Variants in ACVR1B observed in about 807,000 individuals in gnomAD.
The protein encoded by ACVR1B is activin receptor type-1B.
In ACVR1B, 15 loss-of-function variants were observed where a neutral mutation model predicts 55.6. The ratio of observed to expected loss-of-function variants is 0.27; its 90% CI spans 0.18 to 0.42. The LOEUF is 0.42. Among genes scored for constraint, ACVR1B ranks in the 10% least tolerant of loss-of-function variants. The pLI is 1.00. For missense variants in ACVR1B, 359 were observed against 670.1 expected (o/e 0.54, Z 5.13); for synonymous variants, 247 against 254.6 (o/e 0.97, Z 0.28).
chr12:51,966,806 A>C (rs2120520526), intron 1 of ACVR1B, among the ~76,000 whole-genome samples: 1 of 152,322 alleles, frequency 6.6e-6, no homozygotes, highest in East Asian at 1.9e-4. Context: ...ATTTTTGAAC[A>C]CTGACTGGAT....
intron 7 of ACVR1B, among the ~76,000 whole-genome samples, chr12:51,989,226 TTTTTG>T (rs1459519761): frequency 2.0e-5 from 3 of 152,278 alleles, no homozygotes; most frequent in East Asian, 3.9e-4. Flanking sequence ...CAGCAGGGTT[TTTTTG>T]TTTTGTTTTG....
intron 3 of ACVR1B, among the ~76,000 whole-genome samples, chr12:51,976,803 A>T (rs112378049): frequency 7.5e-4 from 115 of 152,342 alleles, no homozygotes; most frequent in African/African-American, 2.7e-3. Flanking sequence ...GTACACAATT[A>T]TCCACTACAG....
At position 51,994,116 on chromosome 12, in the gene ACVR1B, C is replaced by G. The variant is rs747117488; in HGVS notation, c.*6C>G. On this transcript the variant is annotated 3_prime_UTR_variant, in exon 9 of 9. Coordinates refer to ENST00000257963, the MANE Select transcript of ACVR1B (RefSeq NM_004302.5). This position sits in a 1 kb window ranked among gnomAD's most constrained non-coding sequence, Gnocchi z 4.2. Reference sequence around the variant, plus strand: ...AGGAAGACGTGAAGATCTAACTGCTCCCTCTCTCCACACGGAGCTCCTGGC... The same window carrying G: ...AGGAAGACGTGAAGATCTAACTGCTGCCTCTCTCCACACGGAGCTCCTGGC... 21 of 1,612,858 alleles carry G rather than the reference C, an allele frequency of 1.3e-5. No homozygotes were observed. The African/African-American group carries it at 2.5e-4, about 19-fold the overall frequency.
chr12:51,957,525 C>T (rs1340050629), intron 1 of ACVR1B, among the ~76,000 whole-genome samples: 5 of 151,884 alleles, frequency 3.3e-5, no homozygotes, highest in Non-Finnish European at 5.9e-5. Context: ...CCTTTGTCAG[C>T]CTCCCAAGTG....
At chr12:51,986,995 A>G (rs745360141) in intron 7 of ACVR1B, 53 bp downstream of exon 7, 9 of 1,613,626 alleles carry the variant, frequency 5.6e-6, no homozygotes, top group Admixed American at 3.3e-5. Context: ...ATGCTGGATC[A>G]CCCAAAGCTG....
chr12:51,960,815 G>A (rs1941506525), intron 1 of ACVR1B, among the ~76,000 whole-genome samples: 1 of 152,144 alleles, frequency 6.6e-6, no homozygotes, highest in Non-Finnish European at 1.5e-5. Context: ...TCTAACTTTG[G>A]AAATGCACCC....
chr12:51,984,270 G>A, intron 5 of ACVR1B, 104 bp downstream of exon 5: 1 of 1,325,268 alleles, frequency 7.5e-7, no homozygotes, highest in Non-Finnish European at 1.0e-6. Context: ...AGTTGGGGCT[G>A]GACCTCAGGA....
intron 1 of ACVR1B, among the ~76,000 whole-genome samples, chr12:51,970,181 C>T (rs1258928505): frequency 4.6e-5 from 7 of 152,196 alleles, no homozygotes; most frequent in African/African-American, 1.7e-4. Context: ...AATCTGATCA[C>T]ATGAAGGTGT....
chr12:51,963,886 T>C (rs1379454366), intron 1 of ACVR1B, among the ~76,000 whole-genome samples: 1 of 152,224 alleles, frequency 6.6e-6, no homozygotes, highest in Non-Finnish European at 1.5e-5. Context: ...ACAGCAGTTG[T>C]ACCCTTTTAT....
At chr12:51,983,602 G>A (rs959983343) in intron 4 of ACVR1B, among the ~76,000 whole-genome samples, 1 of 152,202 alleles carries the variant, frequency 6.6e-6, no homozygotes, top group African/African-American at 2.4e-5. Context: ...GCTCATTGTG[G>A]TTCTCCCGTG....
At chr12:51,966,574 G>A (rs1216433061) in intron 1 of ACVR1B, among the ~76,000 whole-genome samples, 2 of 152,130 alleles carry the variant, frequency 1.3e-5, no homozygotes, top group African/African-American at 4.8e-5. Context: ...TCAGCCTCCT[G>A]AAGAGCTGGG....
At position 51,977,906 on chromosome 12, in the gene ACVR1B, A is replaced by G. The variant is rs1392316461; in HGVS notation, c.580+1331A>G. Among the ~76,000 whole-genome samples the G allele has an allele frequency of 4.6e-5, 7 of 150,700 alleles. No homozygotes were observed. In the East Asian group the frequency reaches 1.4e-3, roughly 30 times the overall value. Reference sequence around the variant, plus strand: ...AACATCCACAAAGATCACTGTTGCCATTCTAGCTAAAACGCAGAGGATCTT... The same window carrying G: ...AACATCCACAAAGATCACTGTTGCCGTTCTAGCTAAAACGCAGAGGATCTT... On this transcript the variant is annotated intron_variant, in intron 3 of 8. Transcript: ENST00000257963.
intron 1 of ACVR1B, among the ~76,000 whole-genome samples, chr12:51,972,406 T>C (rs180954933): frequency 6.6e-6 from 1 of 152,338 alleles, no homozygotes; most frequent in East Asian, 1.9e-4. Context: ...CTATGTTAGA[T>C]ACAGATGATT....
At chr12:51,974,675 AT>A (rs1941812274) in intron 1 of ACVR1B, among the ~76,000 whole-genome samples, 1 of 152,130 alleles carries the variant, frequency 6.6e-6, no homozygotes, top group South Asian at 2.1e-4. Context: ...GGAGGATATC[AT>A]TTTTGCCCCT....
chr12:51,992,256 G>A, intron 8 of ACVR1B: 3 of 503,400 alleles, frequency 6.0e-6, no homozygotes, highest in Non-Finnish European at 1.0e-5. Context: ...TGTAATCGTA[G>A]CGCTTTGAGA....
At chr12:51,983,448 A>T (rs1292397629) in intron 4 of ACVR1B, among the ~76,000 whole-genome samples, 1 of 152,212 alleles carries the variant, frequency 6.6e-6, no homozygotes, top group Non-Finnish European at 1.5e-5. Context: ...TTTCCTACTC[A>T]CAGAGATATC....
intron 4 of ACVR1B, among the ~76,000 whole-genome samples, chr12:51,982,395 CATTT>C (rs1941996616): frequency 1.3e-5 from 2 of 152,146 alleles, no homozygotes; most frequent in South Asian, 4.1e-4. Context: ...AATTCTATAA[CATTT>C]ATTGACTGCT....
At chr12:51,957,395 G>A (rs567406581) in intron 1 of ACVR1B, among the ~76,000 whole-genome samples, 1 of 147,478 alleles carries the variant, frequency 6.8e-6, no homozygotes, top group East Asian at 2.0e-4. Flanking sequence ...AGTGAGCGGA[G>A]ACTGCGCCAC....
At chr12:51,952,363 G>A (rs1026040578) in intron 1 of ACVR1B, among the ~76,000 whole-genome samples, 10 of 152,182 alleles carry the variant, frequency 6.6e-5, no homozygotes, top group African/African-American at 1.9e-4. Flanking sequence ...TTTCCTTCAG[G>A]TCCTGCACTT....
Sources: allele counts gnomAD v4.1 joint callset (sites outside exome capture counted in the v4.1 genomes callset), GRCh38; gene constraint gnomAD v4.1.1; non-coding constraint Gnocchi (gnomAD v3.1); transcripts MANE v1.5; gene names NCBI Gene and HGNC (gene_info 2026-07-23, HGNC 2026-07-21).